C12orf42: variants seen among roughly 807,000 people sequenced by gnomAD.
The protein encoded by C12orf42 is uncharacterized protein C12orf42.
C12orf42 carries 25 observed loss-of-function variants against 21.6 expected under a neutral mutation model. That is an observed-to-expected ratio of 1.16 (90% confidence interval 0.84 to 1.62). C12orf42 has a LOEUF of 1.62. C12orf42 is among the 40% of genes most tolerant of loss of function. The probability of loss-of-function intolerance (pLI) is 0.00; values close to 1 mark genes in which losing one functional copy is unlikely to be tolerated. For synonymous variants in C12orf42, 174 were observed against 175.0 expected (o/e 0.99, Z 0.05); for missense variants, 483 against 459.3 (o/e 1.05, Z -0.47).
At chr12:103,047,875 G>A in the C12orf42 span, among the ~76,000 whole-genome samples, 1 of 152,148 alleles carries the variant, frequency 6.6e-6, no homozygotes, top group Non-Finnish European at 1.5e-5. Flanking sequence ...CCTAGAAAGA[G>A]TAGACACGGT....
intron 2 of C12orf42, among the ~76,000 whole-genome samples, chr12:103,460,802 C>G (rs1952650036): frequency 6.6e-6 from 1 of 152,180 alleles, no homozygotes; most frequent in African/African-American, 2.4e-5. Context: ...ATGCATATGT[C>G]ATATTTTGCA....
the C12orf42 span, among the ~76,000 whole-genome samples, chr12:103,134,090 G>C: frequency 6.6e-6 from 1 of 152,134 alleles, no homozygotes. Flanking sequence ...AAATATCATA[G>C]ATACCTCTTC....
intron 2 of C12orf42, chr12:103,478,039 C>T (rs79352754): frequency 0.014 from 3,340 of 245,882 alleles, 47 homozygotes; most frequent in Middle Eastern, 0.035. Flanking sequence ...AGCACATGTG[C>T]CTCAATCCTA....
chr12:103,165,351 C>T, the C12orf42 span, among the ~76,000 whole-genome samples: 1 of 152,196 alleles, frequency 6.6e-6, no homozygotes, highest in Non-Finnish European at 1.5e-5. Flanking sequence ...CTGCATCTCC[C>T]AGGTTTGCAA....
chr12:103,475,022 G>T (rs1264017250), intron 2 of C12orf42, among the ~76,000 whole-genome samples: 1 of 152,178 alleles, frequency 6.6e-6, no homozygotes, highest in African/African-American at 2.4e-5. Flanking sequence ...GAACTTTTGT[G>T]TGGCCTTTTT....
chr12:103,544,611 C>T, the C12orf42 span, among the ~76,000 whole-genome samples: 1 of 152,198 alleles, frequency 6.6e-6, no homozygotes, highest in African/African-American at 2.4e-5. Flanking sequence ...TCATATCTCA[C>T]TTCTCTTCTT....
intron 4 of C12orf42, 121 bp from the exon 5 acceptor site, chr12:103,306,466 T>TA (rs1566047292): frequency 1.7e-6 from 2 of 1,193,648 alleles, no homozygotes. Context: ...CTACTGTGAG[T>TA]AAACAAAAAT....
intron 4 of C12orf42, among the ~76,000 whole-genome samples, chr12:103,277,461 T>C (rs1378735286): frequency 1.3e-5 from 2 of 152,144 alleles, no homozygotes; most frequent in East Asian, 3.9e-4. Context: ...AATGAAAAGG[T>C]AAATAATTTC....
intron 4 of C12orf42, among the ~76,000 whole-genome samples, chr12:103,321,082 AC>A (rs1403785719): frequency 1.3e-5 from 2 of 152,188 alleles, no homozygotes; most frequent in African/African-American, 4.8e-5. Context: ...TGGTTGGCCT[AC>A]AAAATGGGAG....
chr12:103,317,952 A>C (rs1302194320), intron 4 of C12orf42, among the ~76,000 whole-genome samples: 2 of 152,178 alleles, frequency 1.3e-5, no homozygotes, highest in African/African-American at 4.8e-5. Context: ...GTATTTGTCC[A>C]TTCTCTTATT....
At chr12:103,447,483 G>C (rs901404712) in intron 2 of C12orf42, among the ~76,000 whole-genome samples, 2 of 151,934 alleles carry the variant, frequency 1.3e-5, no homozygotes, top group African/African-American at 4.8e-5. Context: ...ATCCAAACTG[G>C]TAAAAAGGAA....
At chr12:103,449,186 C>T (rs1951780774) in intron 2 of C12orf42, among the ~76,000 whole-genome samples, 1 of 151,878 alleles carries the variant, frequency 6.6e-6, no homozygotes, top group South Asian at 2.1e-4. Flanking sequence ...ATGGCATTTG[C>T]AGAAACCTGG....
chr12:103,392,025 A>G (rs1292134551), intron 3 of C12orf42, among the ~76,000 whole-genome samples: 2 of 152,158 alleles, frequency 1.3e-5, no homozygotes, highest in African/African-American at 4.8e-5. Context: ...TGTGTGCTCA[A>G]TTTCATCCTT....
At chr12:103,468,398 C>G (rs1487167468) in intron 2 of C12orf42, among the ~76,000 whole-genome samples, 1 of 152,158 alleles carries the variant, frequency 6.6e-6, no homozygotes, top group Non-Finnish European at 1.5e-5. Context: ...TCTAAGGACT[C>G]TAAACGTAAT....
At chr12:103,543,222 G>C in the C12orf42 span, among the ~76,000 whole-genome samples, 2 of 152,176 alleles carry the variant, frequency 1.3e-5, no homozygotes, top group African/African-American at 4.8e-5. Flanking sequence ...AGCTGGAGAA[G>C]AGGCCAGAGA....
the C12orf42 span, among the ~76,000 whole-genome samples, chr12:103,514,430 G>A: frequency 4.6e-5 from 7 of 152,238 alleles, no homozygotes; most frequent in South Asian, 2.1e-4. Context: ...TGGAAGACGG[G>A]AAGAGCTAAT....
At chr12:103,249,440 C>A (rs1192559190) in intron 10 of C12orf42, among the ~76,000 whole-genome samples, 5 of 151,886 alleles carry the variant, frequency 3.3e-5, no homozygotes, top group Admixed American at 2.6e-4. Context: ...ACCAGCTGGT[C>A]CAGAATCTCG....
chr12:103,411,139 A>C (rs1490345239), intron 2 of C12orf42, among the ~76,000 whole-genome samples: 2 of 152,202 alleles, frequency 1.3e-5, no homozygotes, highest in African/African-American at 2.4e-5. Flanking sequence ...AGTGCATTGC[A>C]CACCTGCAGA....
At chr12:103,466,570 A>ACT (rs34012304) in intron 2 of C12orf42, among the ~76,000 whole-genome samples, 90,599 of 150,368 alleles carry the variant, frequency 0.6, 27,979 homozygotes, top group Admixed American at 0.7. Flanking sequence ...TCTCTCCCTG[A>ACT]CTCTCTCTCT....
Sources: gnomAD v4.1 joint callset for allele counts (sites outside exome capture counted in the v4.1 genomes callset) on GRCh38, gnomAD v4.1.1 for gene constraint, MANE v1.5 for transcripts, NCBI Gene and HGNC (gene_info 2026-07-23, HGNC 2026-07-21) for gene names.